CEP112: variants seen among roughly 807,000 people sequenced by gnomAD.
CEP112 encodes the protein centrosomal protein 112, also known as centrosomal protein of 112 kDa.
CEP112 carries 127 observed loss-of-function variants against 153.0 expected under a neutral mutation model. The ratio of observed to expected loss-of-function variants is 0.83; its 90% CI spans 0.72 to 0.96. CEP112 has a LOEUF of 0.96. CEP112 is among the 40% of genes least tolerant of loss of function. CEP112 has a pLI of 0.00. For synonymous variants in CEP112, 358 were observed against 374.4 expected, an observed-to-expected ratio of 0.96 and a Z score of 0.51; for missense variants, 1,089 against 1,101.2, an observed-to-expected ratio of 0.99 and a Z score of 0.16.
chr17:66,179,024 G>A (rs114188673), intron 2 of CEP112, among the ~76,000 whole-genome samples: 136 of 152,234 alleles, frequency 8.9e-4, no homozygotes, highest in African/African-American at 3.3e-3. Flanking sequence ...TTGTATCTGA[G>A]TTTTTAATTC....
At chr17:66,061,603 C>G (rs538491196) in intron 11 of CEP112, among the ~76,000 whole-genome samples, 1 of 150,870 alleles carries the variant, frequency 6.6e-6, no homozygotes, top group Admixed American at 6.6e-5. Flanking sequence ...CACTGGAATA[C>G]TATTCATCCA....
intron 17 of CEP112, among the ~76,000 whole-genome samples, chr17:65,994,165 C>T (rs1456238910): frequency 2.0e-5 from 3 of 152,082 alleles, no homozygotes; most frequent in Non-Finnish European, 4.4e-5. Context: ...ATGAAATAAA[C>T]ATCCTAATCT....
chr17:65,747,192 G>A (rs2051525008), intron 22 of CEP112, among the ~76,000 whole-genome samples: 1 of 152,146 alleles, frequency 6.6e-6, no homozygotes, highest in African/African-American at 2.4e-5. Flanking sequence ...ATACAATAAA[G>A]AAGACAAGCT....
chr17:65,754,049 G>T (rs1231194010), intron 21 of CEP112, among the ~76,000 whole-genome samples: 3 of 152,186 alleles, frequency 2.0e-5, no homozygotes, highest in Non-Finnish European at 2.9e-5. Flanking sequence ...GAAACATCTA[G>T]AGAGTAAACA....
chr17:65,648,771 C>T (rs1048857474), intron 24 of CEP112, among the ~76,000 whole-genome samples: 1 of 152,130 alleles, frequency 6.6e-6, no homozygotes, highest in African/African-American at 2.4e-5. Flanking sequence ...ACCACATTGA[C>T]CGGGTGGACT....
At chr17:65,968,025 T>G (rs1353884872) in intron 17 of CEP112, among the ~76,000 whole-genome samples, 2 of 152,162 alleles carry the variant, frequency 1.3e-5, no homozygotes, top group African/African-American at 4.8e-5. Flanking sequence ...ATTTATAAAT[T>G]GTACACCATA....
At chr17:65,686,674 G>A (rs1426937716) in intron 24 of CEP112, among the ~76,000 whole-genome samples, 2 of 152,130 alleles carry the variant, frequency 1.3e-5, no homozygotes, top group East Asian at 1.9e-4. Context: ...GCTCCCATCC[G>A]AGGAGGCATT....
intron 6 of CEP112, among the ~76,000 whole-genome samples, chr17:66,110,795 C>T (rs1311405612): frequency 1.3e-5 from 2 of 151,964 alleles, no homozygotes; most frequent in African/African-American, 4.8e-5. Flanking sequence ...TGGACATAGT[C>T]CTAGCAAAGA....
Position 65,916,250 on chromosome 17 carries a change from A to AGTGTGTGTGTGTGTGTGTGT in CEP112, c.1980+11312_1980+11331dup, listed in dbSNP as rs3222034. Among the ~76,000 whole-genome samples, 19 of 129,960 alleles carry AGTGTGTGTGTGTGTGTGTGT rather than the reference A, an allele frequency of 1.5e-4. No homozygotes were observed. The East Asian group carries it at 1.6e-3, about 11-fold the overall frequency. The allele number at this position is 129,960 out of a possible 152,430, so 85.3% of individuals were successfully genotyped here. ...TACCTTAAATTATGTTTTGAAAAAG[A>AGTGTGTGTGTGTGTGTGTGT]GTGTGTGTGTGTGTGTGTGTGTGTG... On this transcript the variant is annotated intron_variant, in intron 19 of 26. Transcript: ENST00000535342.
intron 5 of CEP112, among the ~76,000 whole-genome samples, 195 bp from the exon 6 acceptor site, chr17:66,130,018 A>AGAGAAAGAAGTGGGACGGGAGG (rs1226903132): frequency 1.3e-5 from 2 of 151,994 alleles, no homozygotes; most frequent in African/African-American, 2.4e-5. Context: ...GAGAAAAAGA[A>AGAGAAAGAAGTGGGACGGGAGG]GAGAAAGAAG....
At chr17:65,802,811 T>C (rs2055359887) in intron 21 of CEP112, among the ~76,000 whole-genome samples, 1 of 152,228 alleles carries the variant, frequency 6.6e-6, no homozygotes, top group Admixed American at 6.5e-5. Flanking sequence ...AGCAGGATTG[T>C]ATTTTCCAAA....
chr17:65,751,990 CTATCTATCTATCTACT>C (rs1469928542), intron 21 of CEP112, among the ~76,000 whole-genome samples: 3 of 144,610 alleles, frequency 2.1e-5, no homozygotes, highest in African/African-American at 7.9e-5. Flanking sequence ...ATCTATCTAT[CTATCTATCTATCTACT>C]GTTCCTTTCA....
intron 21 of CEP112, among the ~76,000 whole-genome samples, chr17:65,828,740 T>C (rs1215855708): frequency 6.6e-6 from 1 of 152,130 alleles, no homozygotes; most frequent in African/African-American, 2.4e-5. Flanking sequence ...GTGCTCCTAA[T>C]ATCAAACCAT....
chr17:66,071,371 G>A (rs1005682616), intron 8 of CEP112, among the ~76,000 whole-genome samples: 2 of 152,030 alleles, frequency 1.3e-5, no homozygotes, highest in Non-Finnish European at 2.9e-5. Context: ...CTAATTCCAT[G>A]TAAAGATCCT....
In CEP112 at chr17:66,183,248, C is replaced by A; in HGVS notation, c.52G>T (p.Asp18Tyr). ...EKWEKLDAEF[D>Y]HFVVDMKPFV... ...GGCTTCATATCAACCACAAAGTGAT[C>A]AAATTCTGCATCCAGCTTCTCCCAT... Residue 18 changes from aspartate to tyrosine, a missense_variant, in exon 2 of 27, where the codon GAT (aspartate) becomes TAT (tyrosine). Physicochemically the swap from Asp to Tyr is radical, Grantham distance 160. Coordinates refer to ENST00000535342, the MANE Select transcript of CEP112 (RefSeq NM_001199165.4). 1 of 1,612,754 alleles carries A rather than the reference C, an allele frequency of 6.2e-7. No homozygotes were observed. The highest frequency in any genetic ancestry group is 8.5e-7 in the Non-Finnish European group (1 of 1,179,384).
At chr17:65,971,053 T>C (rs982113992) in intron 17 of CEP112, among the ~76,000 whole-genome samples, 5 of 152,352 alleles carry the variant, frequency 3.3e-5, no homozygotes, top group African/African-American at 7.2e-5. Context: ...GTATTACATG[T>C]CTATTACATA....
intron 1 of CEP112, among the ~76,000 whole-genome samples, chr17:66,190,277 C>T (rs2073113390): frequency 6.6e-6 from 1 of 151,694 alleles, no homozygotes; most frequent in East Asian, 1.9e-4. Flanking sequence ...CCACTGCACT[C>T]CAGCCTGGGT....
Position 66,132,168 on chromosome 17 carries a change from C to CAAAAA in CEP112, c.564+497_564+501dup, listed in dbSNP as rs56221578. Among the ~76,000 whole-genome samples, 13 of 39,882 alleles carry CAAAAA rather than the reference C, an allele frequency of 3.3e-4. 3 individuals carry two copies. The highest frequency in any genetic ancestry group is 4.2e-4 in the African/African-American group (3 of 7,132). 26.2% of individuals were successfully genotyped at this position (39,882 alleles called of 152,430 possible). On this transcript the variant is annotated intron_variant, in intron 5 of 26. Coordinates refer to ENST00000535342, the MANE Select transcript of CEP112 (RefSeq NM_001199165.4). ...CCTGGGCAACAGTGAGACTCCATCT[C>CAAAAA]AAAAAAAAAAAAAAAAAAAAAAAAA...
At chr17:65,946,544 A>G (rs2061654553) in intron 18 of CEP112, among the ~76,000 whole-genome samples, 1 of 152,032 alleles carries the variant, frequency 6.6e-6, no homozygotes, top group African/African-American at 2.4e-5. Context: ...TTGTGCCAAT[A>G]TCACACTCTA....
Sources: gnomAD v4.1 joint callset for allele counts (sites outside exome capture counted in the v4.1 genomes callset) on GRCh38, gnomAD v4.1.1 for gene constraint, MANE v1.5 for transcripts, NCBI Gene and HGNC (gene_info 2026-07-23, HGNC 2026-07-21) for gene names.